DIAPH2: variants seen among roughly 807,000 people sequenced by gnomAD.
DIAPH2 encodes protein diaphanous homolog 2.
A neutral mutation model predicts 92.7 loss-of-function variants in DIAPH2; 35 were observed. The ratio of observed to expected loss-of-function variants is 0.38; its 90% confidence interval spans 0.29 to 0.50. The LOEUF (loss-of-function observed/expected upper bound fraction) is 0.50. Ranked by LOEUF, DIAPH2 falls within the 20% of genes least tolerant of loss-of-function variation. DIAPH2 has a pLI of 0.94. For missense variants in DIAPH2, 701 were observed against 819.5 expected, an observed-to-expected ratio of 0.86 and a Z score of 1.77; for synonymous variants, 301 against 280.4, an observed-to-expected ratio of 1.07 and a Z score of -0.73.
chrX:97,421,247 T>G (rs1364631528), intron 25 of DIAPH2, among the ~76,000 whole-genome samples: 1 of 112,469 alleles, frequency 8.9e-6, no homozygotes, highest in Non-Finnish European at 1.9e-5. Context: ...TTCACCATAT[T>G]GTGGTAACCT....
intron 26 of DIAPH2, 30 bp downstream of exon 26, chrX:97,429,775 G>T: frequency 1.8e-6 from 2 of 1,134,376 alleles, no homozygotes; most frequent in Non-Finnish European, 2.4e-6. Context: ...ACATAGTATT[G>T]TAAAATATGA....
At chrX:97,370,481 T>C (rs1416094520) in intron 24 of DIAPH2, among the ~76,000 whole-genome samples, 1 of 111,916 alleles carries the variant, frequency 8.9e-6, no homozygotes, top group Non-Finnish European at 1.9e-5. Flanking sequence ...GTACTAACCA[T>C]GAATTAGCAG....
intron 4 of DIAPH2, among the ~76,000 whole-genome samples, chrX:96,880,341 ATATGT>A (rs2065205043): frequency 9.0e-6 from 1 of 111,550 alleles, no homozygotes; most frequent in African/African-American, 3.3e-5. Flanking sequence ...GAGTTCCCCT[ATATGT>A]TATAAGCCTT....
intron 23 of DIAPH2, among the ~76,000 whole-genome samples, chrX:97,263,900 T>TTTATTTATTTA (rs2068311402): frequency 1.3e-4 from 12 of 93,992 alleles, no homozygotes; most frequent in Non-Finnish European, 2.1e-5. Flanking sequence ...ACTGTTAGTT[T>TTTATTTATTTA]TTTATTTATT....
chrX:97,307,951 A>G (rs1212499893), intron 23 of DIAPH2, among the ~76,000 whole-genome samples: 2 of 109,415 alleles, frequency 1.8e-5, no homozygotes, highest in African/African-American at 3.3e-5. Context: ...TATCATTACT[A>G]TAGATTAGAT....
At chrX:96,838,329 A>T (rs757205409) in intron 4 of DIAPH2, among the ~76,000 whole-genome samples, 110 of 111,991 alleles carry the variant, frequency 9.8e-4, no homozygotes, top group African/African-American at 3.5e-3. Flanking sequence ...TATAGTAAGC[A>T]TGTGGCCCCT....
Position 97,384,356 on chromosome X carries a change from C to T in DIAPH2, c.3145+312C>T, listed in dbSNP as rs1233548360. The stretch of plus-strand genomic sequence containing the variant: ...AGTGGGTGAGATGAAATGTGAAAAA[C>T]GGGTATGGGGAGATAAGCCTTAGCT... On this transcript the variant is annotated intron_variant, in intron 25 of 26. Transcript: ENST00000324765. 2.7e-5 allele frequency among the ~76,000 whole-genome samples: 3 copies of T among 111,594 alleles called. No homozygotes were observed. In the Admixed American group the frequency reaches 2.9e-4, roughly 11 times the overall value.
intron 26 of DIAPH2, among the ~76,000 whole-genome samples, chrX:97,484,627 G>C (rs1415804521): frequency 8.9e-6 from 1 of 112,387 alleles, no homozygotes; most frequent in African/African-American, 3.2e-5. Flanking sequence ...GGCCAGGTGT[G>C]GTGGCTCATG....
At chrX:97,368,988 A>C (rs1352363584) in intron 24 of DIAPH2, among the ~76,000 whole-genome samples, 1 of 95,587 alleles carries the variant, frequency 1.0e-5, no homozygotes, top group Non-Finnish European at 2.0e-5. Flanking sequence ...TCACTGCACA[A>C]CCTCCACCTC....
At chrX:97,015,829 A>G (rs1340067429) in intron 17 of DIAPH2, among the ~76,000 whole-genome samples, 1 of 108,511 alleles carries the variant, frequency 9.2e-6, no homozygotes, top group Non-Finnish European at 1.9e-5. Flanking sequence ...AGTTTACAGC[A>G]GATGATCTGT....
rs12012482 is a variant in DIAPH2, at chrX:97,376,743, T to C, written c.3010-7166T>C. Among the ~76,000 whole-genome samples the C allele has an allele frequency of 3.8e-3, 428 of 112,005 alleles. 3 individuals are homozygous for C. Among genetic ancestry groups the C allele is most frequent in the African/African-American group, 0.013 (398 of 30,862 alleles). Reference sequence around the variant, plus strand: ...GTCTGAAAAATGCATTGTTAGGTGATTTCATTGTTGTATGAACATGACAGA... The same window carrying C: ...GTCTGAAAAATGCATTGTTAGGTGACTTCATTGTTGTATGAACATGACAGA... On this transcript the variant is annotated intron_variant, in intron 24 of 26. Transcript: ENST00000324765.
intron 4 of DIAPH2, among the ~76,000 whole-genome samples, chrX:96,762,627 C>T (rs1200223462): frequency 9.1e-6 from 1 of 109,733 alleles, no homozygotes; most frequent in Non-Finnish European, 1.9e-5. Flanking sequence ...AATAGTATAC[C>T]TGCCATAAGA....
chrX:97,497,064 G>C (rs2070764107), intron 26 of DIAPH2, among the ~76,000 whole-genome samples: 1 of 110,675 alleles, frequency 9.0e-6, no homozygotes, highest in African/African-American at 3.3e-5. Flanking sequence ...TGACTTAACT[G>C]AATTCATTCA....
chrX:97,149,271 A>G (rs1370828178), intron 22 of DIAPH2, among the ~76,000 whole-genome samples: 2 of 111,970 alleles, frequency 1.8e-5, no homozygotes, highest in Admixed American at 9.6e-5. Flanking sequence ...GTTATAATCT[A>G]ACTTTTTAGA....
intron 23 of DIAPH2, among the ~76,000 whole-genome samples, chrX:97,301,559 A>C (rs905860245): frequency 2.7e-5 from 3 of 111,931 alleles, no homozygotes; most frequent in African/African-American, 9.8e-5. Context: ...CAAAGATGTT[A>C]GCAAAATTAA....
chrX:96,962,521 A>G (rs2065870906), intron 16 of DIAPH2, among the ~76,000 whole-genome samples: 1 of 89,740 alleles, frequency 1.1e-5, no homozygotes, highest in Non-Finnish European at 2.1e-5. Flanking sequence ...ATATATATAT[A>G]TACCTACTTT....
chrX:97,065,912 A>C (rs1480967872), intron 17 of DIAPH2, among the ~76,000 whole-genome samples: 1 of 112,065 alleles, frequency 8.9e-6, no homozygotes, highest in Non-Finnish European at 1.9e-5. Context: ...TTAAAAAGTA[A>C]AAATTTTAAA....
At chrX:96,914,856 G>A (rs910271430) in intron 7 of DIAPH2, among the ~76,000 whole-genome samples, 1 of 111,459 alleles carries the variant, frequency 9.0e-6, no homozygotes, top group African/African-American at 3.2e-5. Flanking sequence ...ATAGACATGT[G>A]AAACAATAGG....
At chrX:96,762,992 C>T (rs1420620785) in intron 4 of DIAPH2, 2 of 498,839 alleles carry the variant, frequency 4.0e-6, no homozygotes, top group Non-Finnish European at 2.8e-6. Flanking sequence ...TAGCTATTTA[C>T]TAATTTACTA....
Sources: allele counts gnomAD v4.1 joint callset (sites outside exome capture counted in the v4.1 genomes callset), GRCh38; gene constraint gnomAD v4.1.1; transcripts MANE v1.5; gene names NCBI Gene and HGNC (gene_info 2026-07-23, HGNC 2026-07-21).